The following PTPRQ variants were observed in gnomAD, a reference collection of about 807,000 sequenced individuals.
PTPRQ encodes phosphatidylinositol phosphatase PTPRQ.
In PTPRQ, 199 loss-of-function variants were observed where a neutral mutation model predicts 246.0. That is an observed-to-expected ratio of 0.81 (90% CI 0.72 to 0.91). PTPRQ has a LOEUF of 0.91. Among genes scored for constraint, PTPRQ ranks in the 40% least tolerant of loss-of-function variants. The probability of loss-of-function intolerance (pLI) is 0.00; values close to 1 mark genes in which losing one functional copy is unlikely to be tolerated. For missense variants in PTPRQ, 2,624 were observed against 2,528.4 expected, an observed-to-expected ratio of 1.04 and a Z score of -0.81; for synonymous variants, 869 against 853.2, an observed-to-expected ratio of 1.02 and a Z score of -0.32.
intron 9 of PTPRQ, among the ~76,000 whole-genome samples, chr12:80,485,015 C>G (rs1004548047): frequency 6.6e-6 from 1 of 151,442 alleles, no homozygotes; most frequent in South Asian, 2.1e-4. Context: ...ACAAATGATT[C>G]TGTTCTATTT....
intron 25 of PTPRQ, among the ~76,000 whole-genome samples, chr12:80,573,083 G>A (rs1316928559): frequency 6.6e-6 from 1 of 152,042 alleles, no homozygotes; most frequent in Non-Finnish European, 1.5e-5. Flanking sequence ...TAAACTATTT[G>A]ATAGAATTCA....
rs1900160750 is a variant in PTPRQ at position 80,648,795 on chromosome 12, A to G, written c.5916-102A>G. 1.1e-5 allele frequency: 12 copies of G among 1,069,492 alleles called. No individual in the cohort carries two copies. In the South Asian group the frequency reaches 2.7e-4, roughly 24 times the overall value. The allele number at this position is 1,069,492 out of a possible 1,614,324, so 66.3% of individuals were successfully genotyped here. On this transcript the variant is annotated intron_variant, in intron 35 of 44. Coordinates refer to ENST00000644991, the MANE Select transcript of PTPRQ (RefSeq NM_001145026.2). ...ATTAGTTAAAGGCATAGCACATTTT[A>G]CATTATTGATTTATTATAATTTTCT...
At chr12:80,673,359 G>A in intron 43 of PTPRQ, 55 bp downstream of exon 43, 1 of 1,513,896 alleles carries the variant, frequency 6.6e-7, no homozygotes, top group Non-Finnish European at 8.9e-7. Context: ...CCACATGGGA[G>A]ATCTTAGTGG....
chr12:80,604,595 A>C (rs1898249535), intron 26 of PTPRQ, among the ~76,000 whole-genome samples: 2 of 151,506 alleles, frequency 1.3e-5, no homozygotes, highest in Admixed American at 1.3e-4. Flanking sequence ...AAATCAACTC[A>C]ATTTACATTT....
Position 80,496,383 on chromosome 12 carries a change from T to C in PTPRQ, c.2124T>C (p.Thr708=). 1.3e-6 allele frequency: 2 copies of C among 1,550,522 alleles called. No homozygotes were observed. Among genetic ancestry groups the C allele is most frequent in the Non-Finnish European group, 1.7e-6 (2 of 1,146,270 alleles). The change falls in exon 14 of 45, where the codon ACT becomes ACC. Residue 708 remains threonine, a synonymous_variant. Transcript: ENST00000644991. Reference sequence around the variant, plus strand: ...AAGTGCTATATAAAAATATAGATACTTTATATATGAAGAACACATCAACAA... The same window carrying C: ...AAGTGCTATATAAAAATATAGATACCTTATATATGAAGAACACATCAACAA... ...AYEVLYKNID[T]LYMKNTSTTD... is the part of the protein sequence containing the mutation.
intron 28 of PTPRQ, among the ~76,000 whole-genome samples, chr12:80,612,633 A>G (rs1447868771): frequency 6.6e-6 from 1 of 150,454 alleles, no homozygotes; most frequent in Non-Finnish European, 1.5e-5. Context: ...GCAGCCACTT[A>G]TAAAACTAAA....
chr12:80,601,850 G>T (rs768695577), intron 26 of PTPRQ, among the ~76,000 whole-genome samples: 6 of 151,682 alleles, frequency 4.0e-5, no homozygotes, highest in Non-Finnish European at 8.8e-5. Context: ...TTACCTAAAT[G>T]AATTAGGCTA....
rs972904545 is a variant in PTPRQ at position 80,444,261 on chromosome 12, G to A, written c.-85G>A. 53 of 712,710 alleles carry A rather than the reference G, an allele frequency of 7.4e-5. No individual in the cohort carries two copies. The highest frequency in any genetic ancestry group is 1.3e-4 in the Non-Finnish European group (52 of 407,370). The allele number at this position is 712,710 out of a possible 1,614,324, so 44.1% of individuals were successfully genotyped here. ...CTCATTAATTGTGTACTTGCCAGAA[G>A]GATCTGTCTTTAAATCATTAATGCA... is the stretch of plus-strand genomic sequence containing the variant. On this transcript the variant is annotated 5_prime_UTR_variant, in exon 1 of 45. Coordinates refer to ENST00000644991, the MANE Select transcript of PTPRQ (RefSeq NM_001145026.2).
intron 35 of PTPRQ, among the ~76,000 whole-genome samples, chr12:80,647,017 C>A (rs545990469): frequency 1.3e-5 from 2 of 152,276 alleles, no homozygotes; most frequent in South Asian, 4.2e-4. Context: ...AGGGATTTCA[C>A]AAATGTATAC....
intron 9 of PTPRQ, among the ~76,000 whole-genome samples, chr12:80,487,294 A>G (rs1441839975): frequency 4.6e-5 from 7 of 152,110 alleles, no homozygotes; most frequent in Non-Finnish European, 1.5e-5. Flanking sequence ...TGACATTGGA[A>G]TGAGGACAGA....
chr12:80,528,847 G>A (rs1175105698), intron 17 of PTPRQ, among the ~76,000 whole-genome samples: 1 of 152,130 alleles, frequency 6.6e-6, no homozygotes, highest in East Asian at 1.9e-4. Context: ...ATTAGTGTAT[G>A]CTTCCTCAGC....
chr12:80,510,532 T>C, intron 17 of PTPRQ, 89 bp downstream of exon 17: 5 of 1,273,088 alleles, frequency 3.9e-6, no homozygotes, highest in Non-Finnish European at 4.1e-6. Context: ...CAGAATGTGG[T>C]GCTACATTAG....
At chr12:80,617,048 T>G (rs1565821358) in intron 30 of PTPRQ, among the ~76,000 whole-genome samples, 1 of 151,260 alleles carries the variant, frequency 6.6e-6, no homozygotes, top group Non-Finnish European at 1.5e-5. Context: ...AAGTAACTTT[T>G]TTCAGTCTTT....
At chr12:80,555,951 C>A (rs1896632758) in intron 25 of PTPRQ, among the ~76,000 whole-genome samples, 1 of 152,022 alleles carries the variant, frequency 6.6e-6, no homozygotes, top group African/African-American at 2.4e-5. Context: ...CCAAATAACT[C>A]CATTATTATA....
At chr12:80,642,739 T>C (rs964186652) in intron 35 of PTPRQ, among the ~76,000 whole-genome samples, 1 of 149,608 alleles carries the variant, frequency 6.7e-6, no homozygotes, top group East Asian at 2.0e-4. Context: ...GCTAAAACGG[T>C]GAAACCCCGT....
At chr12:80,455,971 A>T (rs1476526828) in intron 3 of PTPRQ, among the ~76,000 whole-genome samples, 1 of 152,116 alleles carries the variant, frequency 6.6e-6, no homozygotes, top group African/African-American at 2.4e-5. Context: ...AGCTTATAAA[A>T]AGCAGTGCTA....
intron 26 of PTPRQ, among the ~76,000 whole-genome samples, chr12:80,600,470 G>A (rs959370357): frequency 6.6e-6 from 1 of 151,742 alleles, no homozygotes; most frequent in African/African-American, 2.4e-5. Flanking sequence ...ACCCGAAGAA[G>A]CCATTATAGA....
chr12:80,597,375 T>C (rs1348792345), intron 26 of PTPRQ, among the ~76,000 whole-genome samples: 1 of 151,966 alleles, frequency 6.6e-6, no homozygotes, highest in East Asian at 1.9e-4. Context: ...TATTTTATGC[T>C]CTAATGGAAC....
chr12:80,586,350 C>T (rs2066869876), intron 25 of PTPRQ, among the ~76,000 whole-genome samples: 1 of 151,004 alleles, frequency 6.6e-6, no homozygotes, highest in South Asian at 2.1e-4. Flanking sequence ...AATGAGATAC[C>T]ATCTCACACC....
Sources: gnomAD v4.1 joint callset for allele counts (sites outside exome capture counted in the v4.1 genomes callset) on GRCh38, gnomAD v4.1.1 for gene constraint, MANE v1.5 for transcripts, NCBI Gene and HGNC (gene_info 2026-07-23, HGNC 2026-07-21) for gene names.